NEK6: variants seen among roughly 807,000 people sequenced by gnomAD.
The protein encoded by NEK6 is NIMA related kinase 6, also known as serine/threonine-protein kinase Nek6.
In NEK6, 27 loss-of-function variants were observed where a neutral mutation model predicts 43.5. The observed-to-expected ratio is 0.62, with a 90% CI of 0.46 to 0.86. NEK6 has a LOEUF of 0.86. Ranked by LOEUF, NEK6 falls within the 40% of genes least tolerant of loss-of-function variation. The pLI is 0.00. For synonymous variants in NEK6, 167 were observed against 164.1 expected (o/e 1.02, Z -0.14); for missense variants, 318 against 414.4 (o/e 0.77, Z 2.02).
chr9:124,343,279 C>T lies in NEK6; in HGVS notation c.717+3614C>T, dbSNP rs1345571616. ...CCGGGGGGTGGTACGGGGGATGGAT[C>T]GCAGCTGGGGAGGTACCGATCGCAG... On this transcript the variant is annotated intron_variant, in intron 8 of 9. Transcript: ENST00000320246. The surrounding 1 kb of genome is among the most constrained non-coding windows in gnomAD (Gnocchi z 5.1). Among the ~76,000 whole-genome samples the T allele has an allele frequency of 2.1e-4, 27 of 126,038 alleles. No homozygotes were observed. The highest frequency in any genetic ancestry group is 8.5e-4 in the African/African-American group (27 of 31,892). The allele number at this position is 126,038 out of a possible 152,430, so 82.7% of individuals were successfully genotyped here. A position where few individuals can be genotyped will look rare whatever the true frequency, so the allele number is the denominator to read the frequency against.
At chr9:124,267,934 C>A (rs1412020869) in intron 1 of NEK6, among the ~76,000 whole-genome samples, 3 of 152,212 alleles carry the variant, frequency 2.0e-5, no homozygotes, top group Non-Finnish European at 4.4e-5. Flanking sequence ...ACATCATGGC[C>A]CCACTTTCCA....
At chr9:124,261,177 C>T (rs959108418) in intron 1 of NEK6, 1 of 154,026 alleles carries the variant, frequency 6.5e-6, no homozygotes, top group African/African-American at 2.4e-5. Context: ...GGCTAGGTTC[C>T]TGCAGGGCTG....
chr9:124,319,302 A>T (rs187494861), intron 4 of NEK6, among the ~76,000 whole-genome samples: 1,822 of 150,766 alleles, frequency 0.012, 25 homozygotes, highest in African/African-American at 0.041. Flanking sequence ...TCACTTTTTA[A>T]TGTTTTGTTT....
At chr9:124,308,694 A>G (rs1476218075) in intron 2 of NEK6, among the ~76,000 whole-genome samples, 3 of 150,434 alleles carry the variant, frequency 2.0e-5, no homozygotes, top group South Asian at 2.1e-4. Context: ...CTGAAAGGCC[A>G]TCGGGGTGGT....
At chr9:124,297,007 A>G (rs947004742) in intron 1 of NEK6, among the ~76,000 whole-genome samples, 3 of 152,246 alleles carry the variant, frequency 2.0e-5, no homozygotes, top group Non-Finnish European at 4.4e-5. Flanking sequence ...AGCCTCATCC[A>G]TGGCCGGGCA....
chr9:124,261,391 G>T, intron 1 of NEK6: 2 of 985,338 alleles, frequency 2.0e-6, no homozygotes, highest in Non-Finnish European at 2.4e-6. Context: ...GACCAAGCAA[G>T]GGAGTTGGAG....
At chr9:124,287,540 C>T (rs1330989488) in intron 1 of NEK6, among the ~76,000 whole-genome samples, 1 of 152,202 alleles carries the variant, frequency 6.6e-6, no homozygotes, top group African/African-American at 2.4e-5. Flanking sequence ...CAAGAACTGA[C>T]CAGGCCAGAT....
At chr9:124,341,527 G>A (rs183087538) in intron 8 of NEK6, among the ~76,000 whole-genome samples, 12 of 152,332 alleles carry the variant, frequency 7.9e-5, no homozygotes, top group Admixed American at 6.5e-4. Flanking sequence ...AGCAGGCCGG[G>A]TGCTCTTTCC....
At chr9:124,293,841 A>G (rs1251834063) in intron 1 of NEK6, among the ~76,000 whole-genome samples, 3 of 152,254 alleles carry the variant, frequency 2.0e-5, no homozygotes, top group East Asian at 1.9e-4. Context: ...GGAGGCAGAC[A>G]TGCTGACAAA....
At chr9:124,268,579 T>A (rs907536394) in intron 1 of NEK6, among the ~76,000 whole-genome samples, 1 of 152,190 alleles carries the variant, frequency 6.6e-6, no homozygotes, top group East Asian at 1.9e-4. Flanking sequence ...GGGTCTTTAG[T>A]CCTGGCTCTC....
chr9:124,307,181 T>C (rs963801975), intron 2 of NEK6, among the ~76,000 whole-genome samples: 4 of 152,150 alleles, frequency 2.6e-5, no homozygotes, highest in African/African-American at 9.7e-5. Context: ...TTCAAACATT[T>C]TAAACTCAAA....
intron 1 of NEK6, 85 bp downstream of exon 1, chr9:124,258,170 C>G: frequency 3.1e-6 from 3 of 976,598 alleles, no homozygotes; most frequent in Non-Finnish European, 3.6e-6. Context: ...CCGTCACCCC[C>G]AGCCGGGCCG....
At chr9:124,314,506 T>C (rs1420513626) in intron 4 of NEK6, among the ~76,000 whole-genome samples, 1 of 151,652 alleles carries the variant, frequency 6.6e-6, no homozygotes, top group East Asian at 1.9e-4. Flanking sequence ...GGGTTTTTTT[T>C]TTATTTTAGA....
chr9:124,338,622 G>C (rs904273913), intron 7 of NEK6, among the ~76,000 whole-genome samples: 3 of 152,100 alleles, frequency 2.0e-5, no homozygotes, highest in African/African-American at 7.2e-5. Flanking sequence ...AAGAGATTTC[G>C]GCCAACCCGA....
At chr9:124,317,465 G>A (rs981783164) in intron 4 of NEK6, among the ~76,000 whole-genome samples, 6 of 152,128 alleles carry the variant, frequency 3.9e-5, no homozygotes, top group Non-Finnish European at 8.8e-5. Flanking sequence ...CACCCGCCTC[G>A]GCCTCCCAAA....
At chr9:124,306,195 A>T (rs910309800) in intron 2 of NEK6, among the ~76,000 whole-genome samples, 8 of 151,992 alleles carry the variant, frequency 5.3e-5, no homozygotes, top group Non-Finnish European at 1.2e-4. Flanking sequence ...AGTGGAAGGG[A>T]TGAGGGAGAG....
At chr9:124,282,083 C>T (rs1831938119) in intron 1 of NEK6, among the ~76,000 whole-genome samples, 1 of 152,194 alleles carries the variant, frequency 6.6e-6, no homozygotes, top group South Asian at 2.1e-4. Context: ...GATATTATAA[C>T]AAATTACTGC....
chr9:124,286,361 C>G (rs1832159372), intron 1 of NEK6: 1 of 152,230 alleles, frequency 6.6e-6, no homozygotes. Context: ...GAACCAATCC[C>G]CCAGCCTCAG....
At chr9:124,318,300 G>T (rs1180612868) in intron 4 of NEK6, among the ~76,000 whole-genome samples, 1 of 151,830 alleles carries the variant, frequency 6.6e-6, no homozygotes, top group Non-Finnish European at 1.5e-5. Context: ...GGAGTGCAGT[G>T]GTGTGATCAT....
Sources: allele counts gnomAD v4.1 joint callset (sites outside exome capture counted in the v4.1 genomes callset), GRCh38; gene constraint gnomAD v4.1.1; non-coding constraint Gnocchi (gnomAD v3.1); transcripts MANE v1.5; gene names NCBI Gene and HGNC (gene_info 2026-07-23, HGNC 2026-07-21).